The following DNAH6 variants were observed in gnomAD, a reference collection of about 807,000 sequenced individuals.
The protein encoded by DNAH6 is axonemal beta dynein heavy chain 6.
In DNAH6, 340 loss-of-function variants were observed where a neutral mutation model predicts 491.4. The ratio of observed to expected loss-of-function variants is 0.69; its 90% CI spans 0.63 to 0.76. The LOEUF (loss-of-function observed/expected upper bound fraction) is 0.76, where lower values mean the gene tolerates loss of function less well. Among genes scored for constraint, DNAH6 ranks in the 30% least tolerant of loss-of-function variants. The pLI, the probability that DNAH6 is intolerant of heterozygous loss-of-function variation, is 0.00. For missense variants in DNAH6, 4,443 were observed against 4,972.2 expected, an observed-to-expected ratio of 0.89 and a Z score of 3.20; for synonymous variants, 1,603 against 1,686.1, an observed-to-expected ratio of 0.95 and a Z score of 1.21.
intron 11 of DNAH6, among the ~76,000 whole-genome samples, chr2:84,569,122 A>G (rs1179415648): frequency 6.6e-6 from 1 of 152,192 alleles, no homozygotes; most frequent in Non-Finnish European, 1.5e-5. Flanking sequence ...ATTGTAAACT[A>G]CCAAAATAGC....
intron 44 of DNAH6, among the ~76,000 whole-genome samples, chr2:84,687,827 A>G (rs949198476): frequency 1.3e-5 from 2 of 152,250 alleles, no homozygotes; most frequent in Non-Finnish European, 2.9e-5. Flanking sequence ...ACCCTAAATG[A>G]CTGCTATTTA....
chr2:84,570,813 C>T (rs909795068), intron 11 of DNAH6, among the ~76,000 whole-genome samples: 1 of 152,292 alleles, frequency 6.6e-6, no homozygotes, highest in Admixed American at 6.5e-5. Context: ...TGTTCTTTCG[C>T]TCTTCTCAAT....
chr2:84,633,922 A>G (rs1485504886), intron 29 of DNAH6, among the ~76,000 whole-genome samples: 12 of 152,204 alleles, frequency 7.9e-5, no homozygotes, highest in Admixed American at 7.9e-4. Context: ...AGATAGATAT[A>G]TGGTATAATG....
chr2:84,674,565 C>G (rs1423025626), intron 40 of DNAH6, among the ~76,000 whole-genome samples: 1 of 152,204 alleles, frequency 6.6e-6, no homozygotes, highest in Non-Finnish European at 1.5e-5. Context: ...GTCACCAACA[C>G]AGGGAGCCCC....
At chr2:84,607,142 C>A (rs1288116549) in intron 21 of DNAH6, 47 bp downstream of exon 21, 3 of 1,490,722 alleles carry the variant, frequency 2.0e-6, no homozygotes, top group South Asian at 1.2e-5. Context: ...ATTGGAGAGT[C>A]ACAAGGACCT....
chr2:84,550,846 T>C (rs1679274182), intron 9 of DNAH6, among the ~76,000 whole-genome samples: 1 of 152,150 alleles, frequency 6.6e-6, no homozygotes, highest in Non-Finnish European at 1.5e-5. Flanking sequence ...AACAATAGTT[T>C]AGAGGTGAAA....
the DNAH6 span, among the ~76,000 whole-genome samples, chr2:84,466,737 T>C: frequency 2.6e-5 from 4 of 152,252 alleles, no homozygotes; most frequent in Non-Finnish European, 5.9e-5. Context: ...GTTAGAGTTC[T>C]ATAATTGATT....
chr2:84,494,893 A>T, the DNAH6 span, among the ~76,000 whole-genome samples: 1 of 152,198 alleles, frequency 6.6e-6, no homozygotes, highest in South Asian at 2.1e-4. Context: ...TGAGGTCTGG[A>T]GCAGGATCTG....
chr2:84,759,712 A>G (rs72832553), intron 63 of DNAH6, among the ~76,000 whole-genome samples: 1,697 of 152,318 alleles, frequency 0.011, 20 homozygotes, highest in Non-Finnish European at 0.015. Context: ...CACAGATTCA[A>G]TGTAAACCCT....
At chr2:84,687,312 C>T (rs141796103) in intron 44 of DNAH6, among the ~76,000 whole-genome samples, 1 of 152,180 alleles carries the variant, frequency 6.6e-6, no homozygotes, top group Admixed American at 6.5e-5. Flanking sequence ...CCCAGTGTCT[C>T]CAAGAGGGCA....
In DNAH6 at chr2:84,694,441, A is replaced by G. The variant is rs780409246; in HGVS notation, c.7485A>G (p.Val2495=). Residue 2495 remains valine (V), a synonymous_variant, in exon 46 of 77, where the codon GTA becomes GTG. Coordinates refer to ENST00000389394, the MANE Select transcript of DNAH6 (RefSeq NM_001370.2). ...DLRKLYKMAG[V]EDKNMVFLFT... ...GGAAGTTGTACAAAATGGCTGGTGT[A>G]GAAGACAAGAATATGGTTTTCCTTT... The G allele has an allele frequency of 2.3e-5, 35 of 1,551,980 alleles. No individual in the cohort carries two copies. Among genetic ancestry groups the G allele is most frequent in the Non-Finnish European group, 2.8e-5 (32 of 1,147,052 alleles).
intron 4 of DNAH6, among the ~76,000 whole-genome samples, chr2:84,541,964 T>C (rs1269605574): frequency 6.6e-6 from 1 of 152,204 alleles, no homozygotes; most frequent in East Asian, 1.9e-4. Context: ...ATCCAACCTT[T>C]GAAAGGGCTC....
At chr2:84,819,264 T>G in intron 76 of DNAH6, 41 bp from the exon 77 acceptor site, 1 of 1,382,896 alleles carries the variant, frequency 7.2e-7, no homozygotes. Context: ...AGGAAGTTAT[T>G]CTCTTAAGTA....
intron 42 of DNAH6, among the ~76,000 whole-genome samples, 168 bp from the exon 43 acceptor site, chr2:84,685,158 A>G (rs1694147422): frequency 6.6e-6 from 1 of 152,228 alleles, no homozygotes; most frequent in Admixed American, 6.5e-5. Flanking sequence ...CAGATTTGTT[A>G]TCAAAAAATG....
At chr2:84,693,804 T>C (rs1268457092) in intron 45 of DNAH6, among the ~76,000 whole-genome samples, 1 of 152,130 alleles carries the variant, frequency 6.6e-6, no homozygotes, top group Non-Finnish European at 1.5e-5. Flanking sequence ...TATCCTGCAG[T>C]AAATCCATTT....
chr2:84,522,091 T>C (rs1676201700), intron 2 of DNAH6, among the ~76,000 whole-genome samples: 1 of 152,196 alleles, frequency 6.6e-6, no homozygotes, highest in South Asian at 2.1e-4. Context: ...ATACTGATTC[T>C]TCCTATCACG....
At position 84,544,438 on chromosome 2, in the gene DNAH6, C is replaced by T. The variant is rs552271150; in HGVS notation, c.868C>T (p.Arg290Cys). ...KAFSVWRKNV[R>C]SKKITGCQKS... is the part of the protein sequence containing the mutation. The stretch of plus-strand genomic sequence containing the variant: ...TTTTAGTGTATGGAGGAAGAATGTC[C>T]GCTCCAAGAAAATCACTGGATGTCA... Residue 290 changes from arginine (R) to cysteine (C), a missense_variant, in exon 5 of 77, where the codon CGC (arginine) becomes TGC (cysteine). Transcript: ENST00000389394. 630 of 1,537,388 alleles carry T rather than the reference C, an allele frequency of 4.1e-4. 1 individual carries two copies. The highest frequency in any genetic ancestry group is 4.9e-4 in the Non-Finnish European group (552 of 1,134,378).
the DNAH6 span, among the ~76,000 whole-genome samples, chr2:84,500,362 G>A: frequency 6.6e-6 from 1 of 152,044 alleles, no homozygotes. Flanking sequence ...TTTGTTTCTG[G>A]GTTCTCTATT....
At chr2:84,765,033 A>G (rs1282960654) in intron 64 of DNAH6, among the ~76,000 whole-genome samples, 2 of 152,044 alleles carry the variant, frequency 1.3e-5, no homozygotes, top group Non-Finnish European at 2.9e-5. Flanking sequence ...ATGTCTATCA[A>G]TATGACTATG....
Sources: allele counts gnomAD v4.1 joint callset (sites outside exome capture counted in the v4.1 genomes callset), GRCh38; gene constraint gnomAD v4.1.1; transcripts MANE v1.5; gene names NCBI Gene and HGNC (gene_info 2026-07-23, HGNC 2026-07-21).